AS3MT: variants seen among roughly 807,000 people sequenced by gnomAD.
AS3MT encodes the protein arsenite methyltransferase, also known as S-adenosyl-L-methionine:arsenic(III) methyltransferase.
In AS3MT, 47 loss-of-function variants were observed where a neutral mutation model predicts 45.3. The observed-to-expected ratio is 1.04, with a 90% CI of 0.82 to 1.32. The LOEUF (loss-of-function observed/expected upper bound fraction) is 1.32. Ranked by LOEUF, AS3MT falls within the 40% of genes most tolerant of loss-of-function variation. The pLI, the probability that AS3MT is intolerant of heterozygous loss-of-function variation, is 0.00. For synonymous variants in AS3MT, 141 were observed against 152.8 expected (o/e 0.92, Z 0.57); for missense variants, 396 against 451.1 (o/e 0.88, Z 1.11).
intron 9 of AS3MT, among the ~76,000 whole-genome samples, chr10:102,883,123 T>C (rs1452519541): frequency 6.8e-6 from 1 of 147,468 alleles, no homozygotes; most frequent in Non-Finnish European, 1.5e-5. Flanking sequence ...TTTTTTGAGA[T>C]GGAGTCTTGC....
At chr10:102,873,792 G>C (rs1844734676) in intron 5 of AS3MT, among the ~76,000 whole-genome samples, 1 of 152,106 alleles carries the variant, frequency 6.6e-6, no homozygotes, top group African/African-American at 2.4e-5. Context: ...AGACCAGCAG[G>C]ACCACTAAGT....
At chr10:102,896,398 T>G (rs896555554) in intron 10 of AS3MT, among the ~76,000 whole-genome samples, 1 of 149,760 alleles carries the variant, frequency 6.7e-6, no homozygotes, top group Non-Finnish European at 1.5e-5. Context: ...ACATTTGTAG[T>G]TGGGGAAGGT....
intron 6 of AS3MT, among the ~76,000 whole-genome samples, chr10:102,876,459 T>G (rs1265419253): frequency 6.6e-6 from 1 of 151,804 alleles, no homozygotes; most frequent in Non-Finnish European, 1.5e-5. Flanking sequence ...AATTTCTATA[T>G]GGGAGAGAGG....
intron 9 of AS3MT, among the ~76,000 whole-genome samples, chr10:102,884,320 T>C (rs1844913452): frequency 1.3e-5 from 2 of 152,004 alleles, no homozygotes; most frequent in African/African-American, 4.8e-5. Context: ...GTCACCATGT[T>C]GTATAATAGA....
In AS3MT at chr10:102,870,175, A is replaced by G. The variant is rs964288395; in HGVS notation, c.134A>G (p.Glu45Gly). Residue 45 changes from glutamate to glycine, a missense_variant, in exon 3 of 11, where the codon GAA (glutamate) becomes GGA (glycine). Transcript: ENST00000369880. ...TARPVPKHIREALQNVHEEVA... is the reference protein window; with the variant it reads ...TARPVPKHIRGALQNVHEEVA... ...AGGCCGGTCCCCAAGCACATCCGGG[A>G]AGCCTTGCAAAATGTACACGAAGAA... 8 of 1,614,226 alleles carry G rather than the reference A, an allele frequency of 5.0e-6. No homozygotes were observed. Among genetic ancestry groups the G allele is most frequent in the Non-Finnish European group, 6.8e-6 (8 of 1,180,034 alleles).
intron 10 of AS3MT, among the ~76,000 whole-genome samples, chr10:102,892,716 C>T (rs1042230124): frequency 2.6e-5 from 4 of 152,212 alleles, no homozygotes; most frequent in Non-Finnish European, 5.9e-5. Context: ...TGGCTCAAGC[C>T]TGTAATCCTA....
chr10:102,885,501 T>G (rs12774172), intron 9 of AS3MT, among the ~76,000 whole-genome samples: 1,335 of 3,888 alleles, frequency 0.34, 32 homozygotes, highest in Non-Finnish European at 0.47. Flanking sequence ...ACTAATTTTT[T>G]TTTTTTTTTT....
chr10:102,877,485 T>C (rs1844799992), intron 7 of AS3MT, among the ~76,000 whole-genome samples: 1 of 151,080 alleles, frequency 6.6e-6, no homozygotes, highest in Non-Finnish European at 1.5e-5. Flanking sequence ...CAAAAGTTCT[T>C]ATTCTTAAAA....
intron 10 of AS3MT, among the ~76,000 whole-genome samples, chr10:102,899,624 T>C (rs1471075983): frequency 6.6e-6 from 1 of 152,088 alleles, no homozygotes; most frequent in African/African-American, 2.4e-5. Flanking sequence ...TGTAAATTTA[T>C]GTTATAATGA....
intron 5 of AS3MT, among the ~76,000 whole-genome samples, chr10:102,873,945 A>G (rs1361209933): frequency 1.3e-5 from 2 of 152,176 alleles, no homozygotes; most frequent in African/African-American, 2.4e-5. Context: ...TAGCCTGTTT[A>G]CGTGAAGCAT....
intron 6 of AS3MT, 122 bp from the exon 7 acceptor site, chr10:102,876,832 G>C (rs1056895011): frequency 4.2e-6 from 4 of 944,848 alleles, no homozygotes; most frequent in Admixed American, 4.3e-5. Context: ...GTTCACAAAG[G>C]GTCAGCTTAA....
intron 10 of AS3MT, among the ~76,000 whole-genome samples, chr10:102,898,537 C>T (rs1251598229): frequency 6.6e-6 from 1 of 151,986 alleles, no homozygotes; most frequent in African/African-American, 2.4e-5. Context: ...TTGCAGTGAG[C>T]CAAGATCGTG....
rs17881215 is a variant in AS3MT, at chr10:102,869,479, G to C, written c.-114G>C. On this transcript the variant is annotated 5_prime_UTR_variant, in exon 1 of 11. Transcript: ENST00000369880. The stretch of plus-strand genomic sequence containing the variant: ...TGGGCGGGGCCTCGGCACAGGAGCT[G>C]GCTGCGGGAGCCCGCCGTCCTGAGT... 73,543 of 1,346,796 alleles carry C rather than the reference G, an allele frequency of 0.055. 5,243 individuals carry two copies. The highest frequency in any genetic ancestry group is 0.21 in the African/African-American group (13,152 of 63,768). The allele number at this position is 1,346,796 out of a possible 1,614,324, so 83.4% of individuals were successfully genotyped here.
At chr10:102,897,244 C>T (rs1191301113) in intron 10 of AS3MT, among the ~76,000 whole-genome samples, 2 of 151,540 alleles carry the variant, frequency 1.3e-5, no homozygotes, top group East Asian at 2.0e-4. Context: ...ATTAGCCGGG[C>T]GTGGTGGCGG....
At position 102,871,738 on chromosome 10, in the gene AS3MT, A is replaced by AAACAAAACAG. The variant is rs1467429894; in HGVS notation, c.171-701_171-700insGAACAAAACA. Among the ~76,000 whole-genome samples, 6 of 86,870 alleles carry AAACAAAACAG rather than the reference A, an allele frequency of 6.9e-5. No individual in the cohort carries two copies. In the East Asian group the frequency reaches 3.3e-3, roughly 48 times the overall value. 57.0% of individuals were successfully genotyped at this position (86,870 alleles called of 152,430 possible). On this transcript the variant is annotated intron_variant, in intron 3 of 10. Coordinates refer to ENST00000369880, the MANE Select transcript of AS3MT (RefSeq NM_020682.4). ...GCGAGACTCCGTCTCAAACAAAACA[A>AAACAAAACAG]AACAAAACAAAACAAAACAAATCAA...
intron 10 of AS3MT, among the ~76,000 whole-genome samples, chr10:102,893,504 T>C (rs1449871657): frequency 3.5e-5 from 5 of 142,328 alleles, no homozygotes; most frequent in African/African-American, 1.1e-4. Flanking sequence ...TCTTTTTTTT[T>C]TTTTTTTCCG....
chr10:102,896,332 CAA>C (rs899491110), intron 10 of AS3MT, among the ~76,000 whole-genome samples: 21 of 63,308 alleles, frequency 3.3e-4, no homozygotes, highest in Admixed American at 3.4e-4. Context: ...GACCCTGCCT[CAA>C]AAAAAAAAAA....
intron 9 of AS3MT, 75 bp from the exon 10 acceptor site, chr10:102,890,469 A>G: frequency 7.7e-7 from 1 of 1,290,898 alleles, no homozygotes; most frequent in Non-Finnish European, 1.1e-6. Flanking sequence ...GGAGAAAACG[A>G]TACTTCTGGG....
chr10:102,894,283 C>T (rs1397346260), intron 10 of AS3MT, among the ~76,000 whole-genome samples: 3 of 151,680 alleles, frequency 2.0e-5, no homozygotes, highest in Admixed American at 6.6e-5. Context: ...ATCAGCCAGG[C>T]GTGGGGGCAG....
Sources: gnomAD v4.1 joint callset for allele counts (sites outside exome capture counted in the v4.1 genomes callset) on GRCh38, gnomAD v4.1.1 for gene constraint, MANE v1.5 for transcripts, NCBI Gene and HGNC (gene_info 2026-07-23, HGNC 2026-07-21) for gene names.